Variants in VEPH1 observed in about 807,000 individuals in gnomAD.
VEPH1 encodes the protein ventricular zone-expressed PH domain-containing protein homolog 1.
A neutral mutation model predicts 85.2 loss-of-function variants in VEPH1; 80 were observed. The ratio of observed to expected loss-of-function variants is 0.94; its 90% CI spans 0.78 to 1.13. The LOEUF is 1.13. VEPH1 is among the 50% of genes most tolerant of loss of function. VEPH1 has a pLI of 0.00. For missense variants in VEPH1, 955 were observed against 980.5 expected (o/e 0.97, Z 0.35); for synonymous variants, 297 against 348.0 (o/e 0.85, Z 1.63).
At position 157,296,949 on chromosome 3, in the gene VEPH1, T is replaced by C. The variant is rs540845184; in HGVS notation, c.2011-10275A>G. ...CAATTAATGGATAATTGCACTACTT[T>C]GTAAACTGTGGAGAAATAATAAAAA... On this transcript the variant is annotated intron_variant, in intron 11 of 13. Transcript: ENST00000362010. Among the ~76,000 whole-genome samples the C allele has an allele frequency of 4.6e-5, 7 of 152,324 alleles. 1 individual carries two copies. The South Asian group carries it at 1.0e-3, about 23-fold the overall frequency.
chr3:157,445,489 TAC>T (rs1734476162), intron 4 of VEPH1, among the ~76,000 whole-genome samples: 1 of 152,062 alleles, frequency 6.6e-6, no homozygotes, highest in Admixed American at 6.6e-5. Flanking sequence ...GGCATGGTGG[TAC>T]GCACCTGCAG....
chr3:157,422,960 C>T (rs1732461423), intron 5 of VEPH1, among the ~76,000 whole-genome samples: 1 of 152,158 alleles, frequency 6.6e-6, no homozygotes, highest in African/African-American at 2.4e-5. Flanking sequence ...CCCCAATTGC[C>T]AAATCCAAGG....
chr3:157,340,843 A>G (rs919725842), intron 9 of VEPH1, among the ~76,000 whole-genome samples: 2 of 152,228 alleles, frequency 1.3e-5, no homozygotes, highest in Non-Finnish European at 2.9e-5. Context: ...AGGAACATTC[A>G]GGCAGCAACA....
At chr3:157,390,507 A>G (rs764277253) in intron 6 of VEPH1, among the ~76,000 whole-genome samples, 14 of 152,216 alleles carry the variant, frequency 9.2e-5, no homozygotes, top group Admixed American at 6.5e-5. Flanking sequence ...ATTTTTTAAA[A>G]AACACCTCAT....
Position 157,428,370 on chromosome 3 carries a change from G to A in VEPH1, c.648C>T (p.Tyr216=), listed in dbSNP as rs1661287261. 2 of 1,614,118 alleles carry A rather than the reference G, an allele frequency of 1.2e-6. No homozygotes were observed. Among genetic ancestry groups the A allele is most frequent in the Middle Eastern group, 1.6e-4 (1 of 6,062 alleles). The part of the protein sequence containing the change: ...LMSQLEQPEQ[Y]HLLRLLHVAA... ...CTACATGCAAAAGCCGTAGTAGATG[G>A]TACTGTTCTGGCTGTTCCAGCTGAG... Residue 216 remains tyrosine, a synonymous_variant, in exon 5 of 14, where the codon TAC becomes TAT. Coordinates refer to ENST00000362010, the MANE Select transcript of VEPH1 (RefSeq NM_001167912.2).
At chr3:157,489,696 G>A (rs1739038729) in intron 2 of VEPH1, among the ~76,000 whole-genome samples, 1 of 139,028 alleles carries the variant, frequency 7.2e-6, no homozygotes, top group Admixed American at 7.8e-5. Context: ...CCAATTAAAT[G>A]GATGATGTCA....
At chr3:157,434,305 C>A (rs1011481521) in intron 4 of VEPH1, among the ~76,000 whole-genome samples, 12 of 151,598 alleles carry the variant, frequency 7.9e-5, no homozygotes, top group African/African-American at 2.9e-4. Flanking sequence ...TAAAATATTT[C>A]TTCTCTCTCT....
intron 3 of VEPH1, among the ~76,000 whole-genome samples, chr3:157,461,816 A>C (rs969922297): frequency 1.4e-4 from 21 of 152,130 alleles, no homozygotes; most frequent in Non-Finnish European, 2.5e-4. Flanking sequence ...ATAAAACAAG[A>C]CAGAGAAGAC....
chr3:157,314,742 A>C (rs2108520543), intron 10 of VEPH1, among the ~76,000 whole-genome samples: 1 of 152,262 alleles, frequency 6.6e-6, no homozygotes, highest in Non-Finnish European at 1.5e-5. Context: ...TAATTCTAAA[A>C]TGTATAATAG....
intron 6 of VEPH1, among the ~76,000 whole-genome samples, chr3:157,413,241 C>G (rs1731657168): frequency 6.6e-6 from 1 of 152,092 alleles, no homozygotes; most frequent in Non-Finnish European, 1.5e-5. Flanking sequence ...TTCTTAATCC[C>G]CATAAACTCT....
intron 13 of VEPH1, 113 bp downstream of exon 13, chr3:157,265,413 G>A (rs1356655069): frequency 8.3e-7 from 1 of 1,204,216 alleles, no homozygotes; most frequent in East Asian, 2.5e-5. Flanking sequence ...CTGTAAGATG[G>A]TGAAATGGAG....
chr3:157,417,541 C>T (rs892159319), intron 5 of VEPH1, among the ~76,000 whole-genome samples: 1 of 152,170 alleles, frequency 6.6e-6, no homozygotes, highest in Non-Finnish European at 1.5e-5. Flanking sequence ...TTTCTCATGG[C>T]CCATGGCCAA....
chr3:157,403,729 T>C (rs1313437724), intron 6 of VEPH1, among the ~76,000 whole-genome samples: 1 of 152,154 alleles, frequency 6.6e-6, no homozygotes, highest in East Asian at 1.9e-4. Context: ...CTGTTAAAGG[T>C]TACTGATTAT....
At chr3:157,438,268 T>G (rs1212589227) in intron 4 of VEPH1, among the ~76,000 whole-genome samples, 1 of 152,152 alleles carries the variant, frequency 6.6e-6, no homozygotes, top group Non-Finnish European at 1.5e-5. Context: ...TGGCCCGTTA[T>G]AACCGTGATC....
intron 11 of VEPH1, among the ~76,000 whole-genome samples, chr3:157,312,096 A>T (rs1401857519): frequency 7.2e-5 from 11 of 152,154 alleles, no homozygotes; most frequent in African/African-American, 2.7e-4. Flanking sequence ...CCAGTTCTGG[A>T]GTACTTAATT....
intron 3 of VEPH1, among the ~76,000 whole-genome samples, chr3:157,464,202 A>T (rs902366727): frequency 6.6e-6 from 1 of 152,130 alleles, no homozygotes; most frequent in African/African-American, 2.4e-5. Context: ...TCTCAGTCTC[A>T]CCTATGCAAT....
chr3:157,461,588 T>A (rs1358236037), intron 3 of VEPH1, among the ~76,000 whole-genome samples: 1 of 152,184 alleles, frequency 6.6e-6, no homozygotes, highest in Non-Finnish European at 1.5e-5. Flanking sequence ...ATTCTTAGAA[T>A]GAAATGTAGA....
chr3:157,434,437 G>A (rs920402583), intron 4 of VEPH1, among the ~76,000 whole-genome samples: 5 of 151,900 alleles, frequency 3.3e-5, no homozygotes, highest in Non-Finnish European at 7.4e-5. Context: ...TCAGCCTCCT[G>A]AGTAGCTGAG....
chr3:157,372,295 ATATACT>A (rs1279913397), intron 7 of VEPH1, among the ~76,000 whole-genome samples: 2 of 152,214 alleles, frequency 1.3e-5, no homozygotes, highest in Non-Finnish European at 2.9e-5. Context: ...GAAATGGAGG[ATATACT>A]TAATCAAAAA....
Sources: gnomAD v4.1 joint callset for allele counts (sites outside exome capture counted in the v4.1 genomes callset) on GRCh38, gnomAD v4.1.1 for gene constraint, MANE v1.5 for transcripts, NCBI Gene and HGNC (gene_info 2026-07-23, HGNC 2026-07-21) for gene names.